The following BAZ1B variants were observed in gnomAD, a reference collection of about 807,000 sequenced individuals.
BAZ1B encodes bromodomain adjacent to zinc finger domain 1B.
In BAZ1B, 22 loss-of-function variants were observed where a neutral mutation model predicts 153.8. The observed-to-expected ratio is 0.14, with a 90% CI of 0.10 to 0.20. The LOEUF (loss-of-function observed/expected upper bound fraction) is 0.20. Ranked by LOEUF, BAZ1B falls within the 10% of genes least tolerant of loss-of-function variation. BAZ1B has a pLI of 1.00. For missense variants in BAZ1B, 1,325 were observed against 1,799.3 expected, an observed-to-expected ratio of 0.74 and a Z score of 4.77; for synonymous variants, 676 against 633.4, an observed-to-expected ratio of 1.07 and a Z score of -1.01.
chr7:73,501,085 C>T, intron 3 of BAZ1B, among the ~76,000 whole-genome samples: 1 of 151,788 alleles, frequency 6.6e-6, no homozygotes. Context: ...GGAGAAGCCC[C>T]GTCTCTACTA....
intron 6 of BAZ1B, among the ~76,000 whole-genome samples, chr7:73,480,513 T>C (rs1391911396): frequency 1.3e-5 from 2 of 152,156 alleles, no homozygotes; most frequent in African/African-American, 4.8e-5. Context: ...AGTCAAGTAA[T>C]CCAAAATACA....
intron 9 of BAZ1B, among the ~76,000 whole-genome samples, chr7:73,468,626 C>A (rs1788682410): frequency 6.6e-6 from 1 of 151,732 alleles, no homozygotes; most frequent in Middle Eastern, 3.4e-3. Flanking sequence ...ACACATATAC[C>A]CGGCACCCAG....
intron 7 of BAZ1B, among the ~76,000 whole-genome samples, chr7:73,473,082 C>T (rs1788874001): frequency 6.6e-6 from 1 of 152,128 alleles, no homozygotes; most frequent in Non-Finnish European, 1.5e-5. Context: ...GCTGGGATTA[C>T]AGGCATGCGC....
chr7:73,456,936 TCAAAAAAAAAAAAAAAAAAAA>T (rs1296141796), intron 13 of BAZ1B, among the ~76,000 whole-genome samples: 3 of 44,952 alleles, frequency 6.7e-5, no homozygotes, highest in African/African-American at 3.0e-4. Context: ...AGACTCTGTC[TCAAAAAAAAAAAAAAAAAAAA>T]AAAAAAAAAA....
intron 3 of BAZ1B, among the ~76,000 whole-genome samples, 171 bp downstream of exon 3, chr7:73,508,156 A>G (rs910856389): frequency 1.3e-5 from 2 of 152,208 alleles, no homozygotes; most frequent in Admixed American, 6.6e-5. Flanking sequence ...CTCCATCTCA[A>G]AAAAACAAAA....
In BAZ1B at chr7:73,442,487, C is replaced by G. The variant is rs782257737; in HGVS notation, c.4161G>C (p.Gln1387His). ...CACAGGAACATTTGTTCTGCACTGT[C>G]TGAAAGTCCATGGGGTGCGTGATCA... ...YDVITHPMDF[Q>H]TVQNKCSCGS... Residue 1387 changes from glutamine (Q) to histidine (H), a missense_variant, in exon 19 of 20, where the codon CAG (glutamine) becomes CAC (histidine). This residue lies in a region of BAZ1B where 271 missense variants were observed against 337.2 expected (regional missense o/e 0.80). Coordinates refer to ENST00000339594, the MANE Select transcript of BAZ1B (RefSeq NM_032408.4). 2 of 1,614,208 alleles carry G rather than the reference C, an allele frequency of 1.2e-6. No individual in the cohort carries two copies. Among genetic ancestry groups the G allele is most frequent in the South Asian group, 1.1e-5 (1 of 91,074 alleles).
intron 6 of BAZ1B, among the ~76,000 whole-genome samples, chr7:73,484,963 G>GT (rs1416387689): frequency 2.0e-5 from 3 of 152,110 alleles, no homozygotes; most frequent in South Asian, 4.2e-4. Context: ...AAACAAAATT[G>GT]TTTTTTTGGT....
Position 73,477,615 on chromosome 7 carries a change from A to C in BAZ1B, c.1846T>G (p.Phe616Val). The C allele has an allele frequency of 6.2e-7, 1 of 1,614,214 alleles. No individual in the cohort carries two copies. The highest frequency in any genetic ancestry group is 1.1e-5 in the South Asian group (1 of 91,084). The part of the protein sequence containing the change: ...LFGDVAMVVE[F>V]LSCYSGLLLP... ...AGTAGCCCAGAATAACAGCTCAAGA[A>C]TTCCACCACCATGGCCACATCCCCA... The change falls in exon 7 of 20, where the codon TTC (phenylalanine) becomes GTC (valine). Residue 616 changes from phenylalanine (F) to valine (V), a missense_variant. Physicochemically the swap from Phe to Val is conservative, Grantham distance 50 (BLOSUM62 -1). This residue lies in a region of BAZ1B where 154 missense variants were observed against 266.3 expected (regional missense o/e 0.58). Transcript: ENST00000339594. The surrounding 1 kb of genome is among the most constrained non-coding windows in gnomAD (Gnocchi z 5.6).
intron 5 of BAZ1B, among the ~76,000 whole-genome samples, chr7:73,490,223 G>A (rs1157910564): frequency 2.0e-5 from 3 of 152,008 alleles, no homozygotes; most frequent in East Asian, 3.8e-4. Flanking sequence ...CACCTCCCCT[G>A]GTGACTATCA....
chr7:73,476,392 A>G (rs1554572770), intron 7 of BAZ1B, among the ~76,000 whole-genome samples: 1 of 152,224 alleles, frequency 6.6e-6, no homozygotes, highest in Non-Finnish European at 1.5e-5. Context: ...CTTAAATCTT[A>G]AAGGACAGAT....
chr7:73,459,315 A>C lies in BAZ1B; in HGVS notation c.3432+221T>G, dbSNP rs112813790. ...TGGGAAGGCCACATCCACTGTGACC[A>C]TCACCCAATGACCAAGAAGCAGGGC... On this transcript the variant is annotated intron_variant, in intron 13 of 19. Transcript: ENST00000339594. 0.022 allele frequency among the ~76,000 whole-genome samples: 3,342 copies of C among 151,740 alleles called. 110 individuals are homozygous for C. Among genetic ancestry groups the C allele is most frequent in the African/African-American group, 0.074 (3,057 of 41,374 alleles).
At chr7:73,488,472 C>T (rs566996623) in intron 6 of BAZ1B, among the ~76,000 whole-genome samples, 1 of 152,232 alleles carries the variant, frequency 6.6e-6, no homozygotes, top group South Asian at 2.1e-4. Context: ...TGGCTCACAT[C>T]TGTAATCCCA....
chr7:73,444,474 AAT>A (rs1472603843), intron 16 of BAZ1B, among the ~76,000 whole-genome samples: 2 of 152,346 alleles, frequency 1.3e-5, no homozygotes, highest in African/African-American at 4.8e-5. Context: ...GCCATTTGCT[AAT>A]AGGTCAGCCT....
chr7:73,479,802 G>A (rs1291605358), intron 6 of BAZ1B, among the ~76,000 whole-genome samples: 4 of 152,004 alleles, frequency 2.6e-5, no homozygotes, highest in Non-Finnish European at 5.9e-5. Flanking sequence ...CCATAACCCT[G>A]ATTAACTCAC....
In BAZ1B at chr7:73,460,404, GTTTT is replaced by G. The variant is rs1428187502; in HGVS notation, c.3250-690_3250-687del. 2.6e-5 allele frequency among the ~76,000 whole-genome samples: 4 copies of G among 151,978 alleles called. No homozygotes were observed. In the East Asian group the frequency reaches 5.8e-4, roughly 22 times the overall value. On this transcript the variant is annotated intron_variant, in intron 12 of 19. Transcript: ENST00000339594. ...AAATTCACTGACTTTCCATCTTAAT[GTTTT>G]TTTAATTTTTTTCTTATTTCTAACT...
chr7:73,478,526 G>T lies in BAZ1B; in HGVS notation c.935C>A (p.Ser312Tyr). ...NPSTKRKNTG[S>Y]PDRKPSKKSK... Reference sequence around the variant, plus strand: ...TTTCTTTGAGGGCTTCCTGTCTGGGGATCCAGTATTCTTCCTCTTAGTAGA... The same window carrying T: ...TTTCTTTGAGGGCTTCCTGTCTGGGTATCCAGTATTCTTCCTCTTAGTAGA... The change falls in exon 7 of 20, where the codon TCC becomes TAC. Residue 312 changes from serine to tyrosine, a missense_variant. Physicochemically the swap from Ser to Tyr is moderately radical, Grantham distance 144. Coordinates refer to ENST00000339594, the MANE Select transcript of BAZ1B (RefSeq NM_032408.4). The T allele has an allele frequency of 6.4e-7, 1 of 1,573,616 alleles. No individual in the cohort carries two copies. The highest frequency in any genetic ancestry group is 8.6e-7 in the Non-Finnish European group (1 of 1,162,820).
Position 73,444,147 on chromosome 7 carries a change from G to A in BAZ1B, c.3845-18C>T. 1 of 1,578,876 alleles carries A rather than the reference G, an allele frequency of 6.3e-7. No homozygotes were observed. The highest frequency in any genetic ancestry group is 8.6e-7 in the Non-Finnish European group (1 of 1,163,682). On this transcript the variant is annotated intron_variant, in intron 16 of 19. Coordinates refer to ENST00000339594, the MANE Select transcript of BAZ1B (RefSeq NM_032408.4). The stretch of plus-strand genomic sequence containing the variant: ...AGGTCTCACTGAAAGAAAAACTATG[G>A]ATTCAGCAGAGAACAACGGAAGGTG...
At chr7:73,457,486 T>C (rs534836016) in intron 13 of BAZ1B, among the ~76,000 whole-genome samples, 3 of 152,266 alleles carry the variant, frequency 2.0e-5, no homozygotes, top group East Asian at 1.9e-4. Context: ...CCGGGACTCA[T>C]TTGTACATTC....
intron 1 of BAZ1B, among the ~76,000 whole-genome samples, chr7:73,514,117 C>A (rs556291149): frequency 6.6e-6 from 1 of 152,198 alleles, no homozygotes; most frequent in Admixed American, 6.5e-5. Context: ...CTTCCTTTGA[C>A]GATCATGTTG....
Sources: gnomAD v4.1 joint callset for allele counts (sites outside exome capture counted in the v4.1 genomes callset) on GRCh38, gnomAD v4.1.1 for gene constraint, gnomAD v4.1.1 regional missense constraint, Gnocchi (gnomAD v3.1) non-coding constraint, MANE v1.5 for transcripts, NCBI Gene and HGNC (gene_info 2026-07-23, HGNC 2026-07-21) for gene names.